The following ADAM12 variants were observed in gnomAD, a reference collection of about 807,000 sequenced individuals.
The protein encoded by ADAM12 is ADAM metallopeptidase domain 12.
Under a neutral mutation model 106.4 loss-of-function variants are expected in ADAM12, and 70 were observed. That is an observed-to-expected ratio of 0.66 (90% CI 0.54 to 0.80). The LOEUF is 0.80. ADAM12 is among the 30% of genes least tolerant of loss of function. The pLI, the probability that ADAM12 is intolerant of heterozygous loss-of-function variation, is 0.00. For synonymous variants in ADAM12, 420 were observed against 433.5 expected (o/e 0.97, Z 0.39); for missense variants, 1,010 against 1,171.9 (o/e 0.86, Z 2.02).
At chr10:126,115,876 C>T (rs975624240) in intron 6 of ADAM12, among the ~76,000 whole-genome samples, 1 of 152,144 alleles carries the variant, frequency 6.6e-6, no homozygotes, top group Admixed American at 6.5e-5. Flanking sequence ...AAGGATTCCA[C>T]ATATTTGAAA....
intron 3 of ADAM12, among the ~76,000 whole-genome samples, chr10:126,186,859 C>T (rs1358484667): frequency 6.6e-6 from 1 of 152,142 alleles, no homozygotes; most frequent in Non-Finnish European, 1.5e-5. Flanking sequence ...ACACTTTCAT[C>T]CATATTATTT....
rs778559293 is a variant in ADAM12, at chr10:126,066,853, C to T, written c.1324-47G>A. Reference sequence around the variant, plus strand: ...GTTTGACAGGGTCTTATGGAGTATGCACTCACTGAATGCAAACATCACACC... The same window carrying T: ...GTTTGACAGGGTCTTATGGAGTATGTACTCACTGAATGCAAACATCACACC... On this transcript the variant is annotated intron_variant, in intron 12 of 22. Coordinates refer to ENST00000448723, the MANE Select transcript of ADAM12 (RefSeq NM_001288973.2). The surrounding 1 kb of genome is among the most constrained non-coding windows in gnomAD (Gnocchi z 5.1). 1.9e-6 allele frequency: 3 copies of T among 1,558,942 alleles called. No individual in the cohort carries two copies. Among genetic ancestry groups the T allele is most frequent in the East Asian group, 2.3e-5 (1 of 44,436 alleles).
chr10:126,256,098 A>ACCTC (rs1359945662), intron 3 of ADAM12, among the ~76,000 whole-genome samples: 17 of 152,296 alleles, frequency 1.1e-4, no homozygotes, highest in African/African-American at 3.8e-4. Context: ...GACACTTAAG[A>ACCTC]AAAATACTTA....
chr10:126,225,884 C>T (rs745802445), intron 3 of ADAM12, among the ~76,000 whole-genome samples: 4 of 152,238 alleles, frequency 2.6e-5, no homozygotes, highest in South Asian at 4.1e-4. Flanking sequence ...GAGCCCAGAG[C>T]GTGGTAACTC....
rs1041137462 is a variant in ADAM12, at chr10:126,388,178, C to A, written c.-33G>T. ...GGCCTTCAGTGCAGCAGCTCTCGGG[C>A]CCGGCGGCGAGCGCTGCACCATCCC... On this transcript the variant is annotated 5_prime_UTR_variant, in exon 1 of 23. Transcript: ENST00000448723. This position sits in a 1 kb window ranked among gnomAD's most constrained non-coding sequence, Gnocchi z 4.4. 121 of 1,203,450 alleles carry A rather than the reference C, an allele frequency of 1.0e-4. No individual in the cohort carries two copies. Among genetic ancestry groups the A allele is most frequent in the Non-Finnish European group, 1.2e-4 (118 of 969,694 alleles). The allele number at this position is 1,203,450 out of a possible 1,614,324, so 74.5% of individuals were successfully genotyped here. A position where few individuals can be genotyped will look rare whatever the true frequency, so the allele number is the denominator to read the frequency against.
At chr10:126,255,409 C>G (rs1958871015) in intron 3 of ADAM12, among the ~76,000 whole-genome samples, 1 of 152,130 alleles carries the variant, frequency 6.6e-6, no homozygotes, top group Admixed American at 6.5e-5. Context: ...TCAGTCCCAG[C>G]TTCCTCCCCA....
chr10:126,160,004 A>G (rs969879322), intron 3 of ADAM12, among the ~76,000 whole-genome samples: 1 of 152,162 alleles, frequency 6.6e-6, no homozygotes, highest in East Asian at 1.9e-4. Flanking sequence ...GCACTAAATG[A>G]TATGTTCCTT....
intron 3 of ADAM12, among the ~76,000 whole-genome samples, chr10:126,220,809 C>A (rs1256791442): frequency 1.3e-5 from 2 of 152,248 alleles, no homozygotes; most frequent in African/African-American, 2.4e-5. Context: ...TCCTCCCAGA[C>A]ACAAATCTGG....
At chr10:126,253,229 A>T (rs1245605364) in intron 3 of ADAM12, among the ~76,000 whole-genome samples, 2 of 149,048 alleles carry the variant, frequency 1.3e-5, no homozygotes, top group African/African-American at 2.5e-5. Flanking sequence ...ATTTACTGCA[A>T]TTTTTTTTTT....
At position 126,049,670 on chromosome 10, in the gene ADAM12, C is replaced by A. The variant is rs1372882193; in HGVS notation, c.1610-1G>T. ...CAGATCCCAGGGGCAGGTTTAGCAC[C>A]TGAAACAGAAGCAGAACTGCATTTT... On this transcript the variant is annotated splice_acceptor_variant, in intron 14 of 22. Coordinates refer to ENST00000448723, the MANE Select transcript of ADAM12 (RefSeq NM_001288973.2). LOFTEE classifies it high-confidence loss of function. The surrounding 1 kb of genome is among the most constrained non-coding windows in gnomAD (Gnocchi z 4.4). 1 of 1,613,744 alleles carries A rather than the reference C, an allele frequency of 6.2e-7. No homozygotes were observed.
chr10:126,054,414 T>C (rs1590344477), intron 14 of ADAM12, among the ~76,000 whole-genome samples: 3 of 152,364 alleles, frequency 2.0e-5, no homozygotes, highest in Middle Eastern at 6.8e-3. Context: ...TCCCACCTGC[T>C]CTGCGACATC....
At chr10:126,071,221 C>T (rs1954982953) in intron 12 of ADAM12, among the ~76,000 whole-genome samples, 1 of 152,160 alleles carries the variant, frequency 6.6e-6, no homozygotes, top group Non-Finnish European at 1.5e-5. Flanking sequence ...TTTTTGGCCT[C>T]ATCTTGCTGA....
chr10:126,359,511 A>G (rs1442823884), intron 1 of ADAM12, among the ~76,000 whole-genome samples: 1 of 152,154 alleles, frequency 6.6e-6, no homozygotes, highest in East Asian at 1.9e-4. Context: ...GGGCTACAGG[A>G]CCCACGCAAG....
rs182547770 is a variant in ADAM12 at position 126,132,225 on chromosome 10, G to A, written c.416+3359C>T. Among the ~76,000 whole-genome samples the A allele has an allele frequency of 5.5e-4, 84 of 152,150 alleles. 1 individual carries two copies. Among genetic ancestry groups the A allele is most frequent in the African/African-American group, 2.0e-3 (81 of 41,492 alleles). On this transcript the variant is annotated intron_variant, in intron 5 of 22. Transcript: ENST00000448723. ...CTTGACCTTGTGATCCACCCGCCTC[G>A]GCCTCCCAAAGTGCTAGGATTACAG...
chr10:126,370,729 A>G (rs1376219685), intron 1 of ADAM12, among the ~76,000 whole-genome samples: 1 of 152,194 alleles, frequency 6.6e-6, no homozygotes, highest in Non-Finnish European at 1.5e-5. Context: ...GGAGTATGGA[A>G]GAGTTCCTGG....
chr10:126,082,299 G>A (rs1342100860), intron 11 of ADAM12, among the ~76,000 whole-genome samples: 1 of 150,714 alleles, frequency 6.6e-6, no homozygotes, highest in Non-Finnish European at 1.5e-5. Flanking sequence ...CAGGCACTGA[G>A]CTCAGAGTGA....
intron 3 of ADAM12, among the ~76,000 whole-genome samples, chr10:126,197,688 C>G (rs963754065): frequency 6.6e-6 from 1 of 152,200 alleles, no homozygotes; most frequent in African/African-American, 2.4e-5. Flanking sequence ...CATGCAGGAG[C>G]CTGCCTGGCT....
chr10:126,291,671 G>A (rs892675051), intron 2 of ADAM12, among the ~76,000 whole-genome samples: 1 of 152,302 alleles, frequency 6.6e-6, no homozygotes, highest in Admixed American at 6.5e-5. Flanking sequence ...AGAGGTGCAC[G>A]CTGAGGCTGG....
intron 17 of ADAM12, among the ~76,000 whole-genome samples, chr10:126,045,689 G>GA (rs1954298506): frequency 6.6e-6 from 1 of 152,150 alleles, no homozygotes; most frequent in African/African-American, 2.4e-5. Context: ...ATTCCTTTTG[G>GA]AAATATTTCA....
Sources: gnomAD v4.1 joint callset for allele counts (sites outside exome capture counted in the v4.1 genomes callset) on GRCh38, gnomAD v4.1.1 for gene constraint, Gnocchi (gnomAD v3.1) non-coding constraint, MANE v1.5 for transcripts, NCBI Gene and HGNC (gene_info 2026-07-23, HGNC 2026-07-21) for gene names.